The following SCARB1 variants were observed in gnomAD, a reference collection of about 807,000 sequenced individuals.
SCARB1 encodes scavenger receptor class B member 1.
SCARB1 carries 30 observed loss-of-function variants against 57.2 expected under a neutral mutation model. That is an observed-to-expected ratio of 0.52 (90% CI 0.39 to 0.71). The LOEUF (loss-of-function observed/expected upper bound fraction) is 0.71. SCARB1 is among the 30% of genes least tolerant of loss of function. The probability of loss-of-function intolerance (pLI) is 0.00; values close to 1 mark genes in which losing one functional copy is unlikely to be tolerated. For synonymous variants in SCARB1, 249 were observed against 268.3 expected (o/e 0.93, Z 0.70); for missense variants, 543 against 671.2 (o/e 0.81, Z 2.11).
At chr12:124,837,468 AAAGAAAGGAAGGAAGGAAGG>A (rs1329679021) in intron 1 of SCARB1, among the ~76,000 whole-genome samples, 35 of 121,592 alleles carry the variant, frequency 2.9e-4, no homozygotes, top group African/African-American at 1.0e-3. Flanking sequence ...GGAAAGAAAG[AAAGAAAGGAAGGAAGGAAGG>A]AAGGAAGGAA....
intron 12 of SCARB1, 152 bp downstream of exon 12, chr12:124,782,531 G>A: frequency 3.7e-6 from 3 of 804,102 alleles, no homozygotes; most frequent in Non-Finnish European, 6.0e-6. Flanking sequence ...TTCTCCAAAA[G>A]CAAAATACAC....
intron 1 of SCARB1, among the ~76,000 whole-genome samples, chr12:124,849,076 A>C (rs1952285609): frequency 6.6e-6 from 1 of 152,270 alleles, no homozygotes; most frequent in South Asian, 2.1e-4. Flanking sequence ...AAAAAGGCAC[A>C]GAGAGGGTAA....
At position 124,782,686 on chromosome 12, in the gene SCARB1, C is replaced by A. The variant is rs754973473; in HGVS notation, c.1527G>T (p.Leu509=). The change falls in exon 12 of 13, where the codon CTG becomes CTT. Residue 509 remains leucine, a synonymous_variant. Transcript: ENST00000261693. ...PKGSVLQEAK[L] ...CACGGCATTACCTGGTACCCACCTACAGTTTTGCTTCCTGCAGCACAGAGC... is the reference window on the plus strand; with the variant it reads ...CACGGCATTACCTGGTACCCACCTAAAGTTTTGCTTCCTGCAGCACAGAGC... 3.8e-5 allele frequency: 61 copies of A among 1,613,912 alleles called. No homozygotes were observed. Among genetic ancestry groups the A allele is most frequent in the Non-Finnish European group, 4.3e-5 (51 of 1,179,950 alleles).
intron 1 of SCARB1, among the ~76,000 whole-genome samples, chr12:124,818,823 A>AGTTTTT (rs930780577): frequency 6.6e-6 from 1 of 151,674 alleles, no homozygotes; most frequent in Non-Finnish European, 1.5e-5. Context: ...TTTTTGTTTT[A>AGTTTTT]GTTTTTGTTT....
intron 1 of SCARB1, among the ~76,000 whole-genome samples, chr12:124,842,763 C>G (rs1221721729): frequency 6.6e-6 from 1 of 152,234 alleles, no homozygotes; most frequent in Admixed American, 6.5e-5. Context: ...ACTGCTCTGG[C>G]CTTTGGGAAA....
At chr12:124,849,472 A>G (rs1290635132) in intron 1 of SCARB1, among the ~76,000 whole-genome samples, 13 of 152,248 alleles carry the variant, frequency 8.5e-5, no homozygotes, top group Admixed American at 8.5e-4. Flanking sequence ...GTGAACAGGC[A>G]GGGGTATCAA....
intron 1 of SCARB1, among the ~76,000 whole-genome samples, chr12:124,824,728 C>T (rs1282967170): frequency 6.6e-6 from 1 of 152,162 alleles, no homozygotes; most frequent in African/African-American, 2.4e-5. Flanking sequence ...CAGGTGTGAG[C>T]AAAGCCCCAT....
At chr12:124,780,630 A>C (rs1480943824) in intron 12 of SCARB1, among the ~76,000 whole-genome samples, 1 of 152,246 alleles carries the variant, frequency 6.6e-6, no homozygotes, top group African/African-American at 2.4e-5. Flanking sequence ...GCTGGGCTCC[A>C]GACCTTCCAG....
At chr12:124,785,444 G>A (rs1051639944) in intron 11 of SCARB1, 4 of 152,820 alleles carry the variant, frequency 2.6e-5, no homozygotes, top group East Asian at 1.9e-4. Context: ...TGCAGTGGCC[G>A]CTCCAGGCAG....
In SCARB1 at chr12:124,807,640, C is replaced by T. The variant is rs2135640718; in HGVS notation, c.1009+121G>A. The T allele has an allele frequency of 1.1e-6, 1 of 947,588 alleles. No individual in the cohort carries two copies. Among genetic ancestry groups the T allele is most frequent in the East Asian group, 2.6e-5 (1 of 38,194 alleles). The allele number at this position is 947,588 out of a possible 1,614,324, so 58.7% of individuals were successfully genotyped here. A position where few individuals can be genotyped will look rare whatever the true frequency, so the allele number is the denominator to read the frequency against. The stretch of plus-strand genomic sequence containing the variant: ...CTTCCTGCGGCCTCATTATCTTCGC[C>T]TAATGGGATTATCAAGAGTACAGAG... On this transcript the variant is annotated intron_variant, in intron 7 of 12. Transcript: ENST00000261693. This position sits in a 1 kb window ranked among gnomAD's most constrained non-coding sequence, Gnocchi z 5.3.
intron 11 of SCARB1, 133 bp downstream of exon 11, chr12:124,786,224 G>T: frequency 6.3e-7 from 1 of 1,598,298 alleles, no homozygotes; most frequent in Non-Finnish European, 8.5e-7. Flanking sequence ...CTCCCACTCC[G>T]GCAGAGACGC....
At position 124,807,666 on chromosome 12, in the gene SCARB1, G is replaced by A. The variant is rs773720671; in HGVS notation, c.1009+95C>T. Reference sequence around the variant, plus strand: ...TAATGGGATTATCAAGAGTACAGAGGCCAGAGATTAAGCAGACAGCACTGG... The same window carrying A: ...TAATGGGATTATCAAGAGTACAGAGACCAGAGATTAAGCAGACAGCACTGG... On this transcript the variant is annotated intron_variant, in intron 7 of 12. Coordinates refer to ENST00000261693, the MANE Select transcript of SCARB1 (RefSeq NM_005505.5). This position sits in a 1 kb window ranked among gnomAD's most constrained non-coding sequence, Gnocchi z 5.3. The A allele has an allele frequency of 2.1e-4, 258 of 1,206,784 alleles. 1 individual carries two copies. Among genetic ancestry groups the A allele is most frequent in the Non-Finnish European group, 3.0e-4 (246 of 830,002 alleles). 74.8% of individuals were successfully genotyped at this position (1,206,784 alleles called of 1,614,324 possible). A position where few individuals can be genotyped will look rare whatever the true frequency, so the allele number is the denominator to read the frequency against.
rs1949521128 is a variant in SCARB1 at position 124,786,427 on chromosome 12, G to T, written c.1331C>A (p.Ala444Asp). The change falls in exon 11 of 13, where the codon GCC becomes GAC. Residue 444 changes from alanine to aspartate, a missense_variant. Coordinates refer to ENST00000261693, the MANE Select transcript of SCARB1 (RefSeq NM_005505.5). Reference sequence around the variant, plus strand: ...GCCCAGCGCCAGGAGGACGTACTGGGCATAGTGCATCACCTTGGGCATCAA... The same window carrying T: ...GCCCAGCGCCAGGAGGACGTACTGGTCATAGTGCATCACCTTGGGCATCAA... ...LVLMPKVMHYAQYVLLALGCV... is the reference protein window; with the variant it reads ...LVLMPKVMHYDQYVLLALGCV... 8 of 1,614,050 alleles carry T rather than the reference G, an allele frequency of 5.0e-6. No individual in the cohort carries two copies. The highest frequency in any genetic ancestry group is 1.3e-5 in the African/African-American group (1 of 74,936).
At chr12:124,781,718 T>A (rs1566125602) in intron 12 of SCARB1, among the ~76,000 whole-genome samples, 1 of 152,160 alleles carries the variant, frequency 6.6e-6, no homozygotes, top group Non-Finnish European at 1.5e-5. Context: ...AAAAATTACT[T>A]ATTGCTTACC....
At position 124,814,670 on chromosome 12, in the gene SCARB1, G is replaced by A. The variant is rs754741276; in HGVS notation, c.427-265C>T. 6.6e-6 allele frequency among the ~76,000 whole-genome samples: 1 copy of A among 152,202 alleles called. No individual in the cohort carries two copies. Among genetic ancestry groups the A allele is most frequent in the Non-Finnish European group, 1.5e-5 (1 of 68,034 alleles). ...AGTGAACTCCAGCCCCAGTCCCAGA[G>A]GCGGGCCTGTGGCTCAGCCCTCAAC... is the stretch of plus-strand genomic sequence containing the variant. On this transcript the variant is annotated intron_variant, in intron 3 of 12. Transcript: ENST00000261693. The surrounding 1 kb of genome is among the most constrained non-coding windows in gnomAD (Gnocchi z 4.7).
chr12:124,794,887 G>A (rs901735623), intron 9 of SCARB1, among the ~76,000 whole-genome samples: 2 of 152,114 alleles, frequency 1.3e-5, no homozygotes, highest in African/African-American at 2.4e-5. Flanking sequence ...CCAATATCCC[G>A]CCCTTGCACT....
intron 1 of SCARB1, among the ~76,000 whole-genome samples, chr12:124,826,459 A>C (rs1951168060): frequency 6.6e-6 from 1 of 151,914 alleles, no homozygotes; most frequent in Non-Finnish European, 1.5e-5. Flanking sequence ...AATATACATA[A>C]TTTTTATTAT....
At chr12:124,858,823 G>A (rs540115156) in intron 1 of SCARB1, among the ~76,000 whole-genome samples, 5 of 151,620 alleles carry the variant, frequency 3.3e-5, no homozygotes, top group African/African-American at 1.2e-4. Context: ...AGCTTGCAGT[G>A]AGCCGAGATC....
intron 1 of SCARB1, chr12:124,862,234 T>A (rs1952930932): frequency 6.6e-6 from 1 of 152,200 alleles, no homozygotes; most frequent in Admixed American, 6.5e-5. Context: ...GAAGAGGCCA[T>A]TCTGCTGATT....
Sources: gnomAD v4.1 joint callset for allele counts (sites outside exome capture counted in the v4.1 genomes callset) on GRCh38, gnomAD v4.1.1 for gene constraint, Gnocchi (gnomAD v3.1) non-coding constraint, MANE v1.5 for transcripts, NCBI Gene and HGNC (gene_info 2026-07-23, HGNC 2026-07-21) for gene names.